KANK1: variants seen among roughly 807,000 people sequenced by gnomAD.
The protein encoded by KANK1 is KN motif and ankyrin repeat domains 1, also known as KN motif and ankyrin repeat domain-containing protein 1.
KANK1 carries 109 observed loss-of-function variants against 106.2 expected under a neutral mutation model. The ratio of observed to expected loss-of-function variants is 1.03; its 90% CI spans 0.88 to 1.20. KANK1 has a LOEUF of 1.20. Ranked by LOEUF, KANK1 falls within the 50% of genes most tolerant of loss-of-function variation. The pLI, the probability that KANK1 is intolerant of heterozygous loss-of-function variation, is 0.00. For missense variants in KANK1, 2,399 were observed against 1,710.7 expected (o/e 1.40, Z -7.10); for synonymous variants, 873 against 652.2 (o/e 1.34, Z -5.16).
At position 578,175 on chromosome 9, in the gene KANK1, G is replaced by A. The variant is rs375663035; in HGVS notation, c.-84+73421G>A. Among the ~76,000 whole-genome samples, 19 of 152,226 alleles carry A rather than the reference G, an allele frequency of 1.2e-4. No individual in the cohort carries two copies. In the East Asian group the frequency reaches 2.3e-3, roughly 19 times the overall value. On this transcript the variant is annotated intron_variant, in intron 1 of 11. Transcript: ENST00000382297. Reference sequence around the variant, plus strand: ...GGACTCCTCAGAAAATTGCTTTCTCGTTGGATCACCCCAGAAATAAATCAG... The same window carrying A: ...GGACTCCTCAGAAAATTGCTTTCTCATTGGATCACCCCAGAAATAAATCAG...
chr9:545,752 A>T (rs796981019), intron 1 of KANK1, among the ~76,000 whole-genome samples: 1,934 of 73,344 alleles, frequency 0.026, 41 homozygotes, highest in African/African-American at 0.042. Flanking sequence ...TTTTTTTTTT[A>T]AATTCCCTGA....
chr9:657,198 T>G (rs113223705), intron 1 of KANK1, among the ~76,000 whole-genome samples: 36 of 152,356 alleles, frequency 2.4e-4, no homozygotes, highest in African/African-American at 7.7e-4. Context: ...TAGCATGTGA[T>G]AGAATTTCCT....
intron 3 of KANK1, among the ~76,000 whole-genome samples, chr9:491,774 G>A (rs150346676): frequency 7.9e-5 from 12 of 152,266 alleles, no homozygotes; most frequent in Non-Finnish European, 1.3e-4. Context: ...CCCACATTTC[G>A]TGGAAGGAAC....
intron 1 of KANK1, among the ~76,000 whole-genome samples, chr9:573,563 C>G (rs1587933577): frequency 6.6e-6 from 1 of 152,160 alleles, no homozygotes; most frequent in Admixed American, 6.5e-5. Flanking sequence ...AGCCACCGCG[C>G]CCGGTCAAGG....
At chr9:504,545 G>A (rs559196423), upstream of KANK1, 2 of 150,478 alleles carry the variant, frequency 1.3e-5, no homozygotes, top group Non-Finnish European at 1.5e-5. Context: ...CGCCGCTCCG[G>A]GGCGCAGCCA....
At position 706,801 on chromosome 9, in the gene KANK1, G is replaced by C. The variant is rs534673872; in HGVS notation, c.38-4003G>C. 1.7e-5 allele frequency: 17 copies of C among 985,460 alleles called. No homozygotes were observed. In the East Asian group the frequency reaches 1.8e-3, roughly 105 times the overall value. 61.0% of individuals were successfully genotyped at this position (985,460 alleles called of 1,614,324 possible). On this transcript the variant is annotated intron_variant, in intron 2 of 11. Transcript: ENST00000382297. ...ATCCTGAGAACCCGCAGAGAACAGT[G>C]GGGCTGATTGTGCCTCTGCACCTCC...
chr9:683,676 T>C (rs1316806911), intron 2 of KANK1, among the ~76,000 whole-genome samples: 1 of 152,232 alleles, frequency 6.6e-6, no homozygotes, highest in East Asian at 1.9e-4. Context: ...TGTTTAAAAA[T>C]AAAACGTCCT....
chr9:489,316 C>T (rs1420617242), intron 3 of KANK1, among the ~76,000 whole-genome samples: 4 of 152,120 alleles, frequency 2.6e-5, no homozygotes, highest in Non-Finnish European at 5.9e-5. Flanking sequence ...TTAATAACCA[C>T]CAAGAGCCAC....
chr9:502,989 C>A (rs1031503531), upstream of KANK1, among the ~76,000 whole-genome samples: 8 of 147,480 alleles, frequency 5.4e-5, no homozygotes, highest in African/African-American at 2.0e-4. Context: ...CGCGCGCCAT[C>A]GCGCCCAGCT....
intron 1 of KANK1, among the ~76,000 whole-genome samples, chr9:512,746 A>G (rs2059089883): frequency 6.6e-6 from 1 of 152,158 alleles, no homozygotes. Flanking sequence ...AATTTGCAGT[A>G]TAAAATATAC....
At chr9:480,777 C>T (rs1186625991) in intron 3 of KANK1, among the ~76,000 whole-genome samples, 1 of 152,162 alleles carries the variant, frequency 6.6e-6, no homozygotes, top group Non-Finnish European at 1.5e-5. Flanking sequence ...ATTTGGAAAG[C>T]TGAAGATCTG....
chr9:703,047 G>A (rs967807303), intron 2 of KANK1, among the ~76,000 whole-genome samples: 8 of 151,930 alleles, frequency 5.3e-5, no homozygotes, highest in Non-Finnish European at 1.2e-4. Context: ...GCTGGAATGC[G>A]GTGGTGCAAT....
intron 1 of KANK1, among the ~76,000 whole-genome samples, chr9:558,044 G>A (rs899145676): frequency 6.6e-6 from 1 of 152,204 alleles, no homozygotes; most frequent in African/African-American, 2.4e-5. Flanking sequence ...TGGTAGGAAT[G>A]TCAAGGAACC....
intron 1 of KANK1, among the ~76,000 whole-genome samples, chr9:655,780 T>G (rs1157890869): frequency 6.6e-6 from 1 of 152,246 alleles, no homozygotes; most frequent in African/African-American, 2.4e-5. Context: ...TATTTTGCCA[T>G]TAATGACTAT....
intron 2 of KANK1, among the ~76,000 whole-genome samples, chr9:702,321 A>G (rs1157926878): frequency 1.3e-5 from 2 of 152,212 alleles, no homozygotes; most frequent in Admixed American, 6.5e-5. Context: ...AATTCTGGCA[A>G]TGCCAGCTGT....
chr9:493,194 G>A (rs1206511790), intron 3 of KANK1, among the ~76,000 whole-genome samples: 1 of 150,606 alleles, frequency 6.6e-6, no homozygotes, highest in Non-Finnish European at 1.5e-5. Flanking sequence ...CTGAGATTCG[G>A]TTATAAAAGA....
chr9:663,384 G>A (rs1232695660), intron 1 of KANK1, among the ~76,000 whole-genome samples: 1 of 152,156 alleles, frequency 6.6e-6, no homozygotes, highest in Non-Finnish European at 1.5e-5. Flanking sequence ...AGGTTTAGGT[G>A]TCTGCCAGGG....
intron 2 of KANK1, among the ~76,000 whole-genome samples, chr9:688,462 T>A (rs1460111844): frequency 6.6e-6 from 1 of 152,052 alleles, no homozygotes; most frequent in Non-Finnish European, 1.5e-5. Flanking sequence ...AAAAATTAGC[T>A]GGGCGTCGCA....
chr9:543,595 C>A (rs1009951107), intron 1 of KANK1, among the ~76,000 whole-genome samples: 1 of 151,678 alleles, frequency 6.6e-6, no homozygotes, highest in African/African-American at 2.4e-5. Flanking sequence ...AATCCGCAAG[C>A]TTCAGAAGAC....
Sources: allele counts gnomAD v4.1 joint callset (sites outside exome capture counted in the v4.1 genomes callset), GRCh38; gene constraint gnomAD v4.1.1; transcripts MANE v1.5; gene names NCBI Gene and HGNC (gene_info 2026-07-23, HGNC 2026-07-21).